The following PABPC4L variants were observed in gnomAD, a reference collection of about 807,000 sequenced individuals.
PABPC4L encodes polyadenylate-binding protein 4-like.
For missense variants in PABPC4L, 452 were observed against 451.4 expected (o/e 1.00, Z -0.01); for synonymous variants, 169 against 164.1 (o/e 1.03, Z -0.23).
the PABPC4L span, among the ~76,000 whole-genome samples, chr4:134,184,856 G>C: frequency 0.022 from 3,408 of 151,986 alleles, 129 homozygotes; most frequent in African/African-American, 0.077. Flanking sequence ...GGAATTTGAT[G>C]TTCTCAGTGT....
chr4:133,979,220 A>T, the PABPC4L span, among the ~76,000 whole-genome samples: 1 of 152,270 alleles, frequency 6.6e-6, no homozygotes, highest in South Asian at 2.1e-4. Flanking sequence ...ACAGAACAAA[A>T]ATTTCTAAGT....
At chr4:134,131,222 G>C in the PABPC4L span, among the ~76,000 whole-genome samples, 4 of 151,864 alleles carry the variant, frequency 2.6e-5, no homozygotes, top group African/African-American at 7.3e-5. Context: ...AAAAGTAAAG[G>C]GCATCCAAAT....
the PABPC4L span, among the ~76,000 whole-genome samples, chr4:133,981,490 A>G: frequency 1.3e-5 from 2 of 152,132 alleles, no homozygotes; most frequent in African/African-American, 4.8e-5. Context: ...AATGTTATTC[A>G]CCATCAGATA....
the PABPC4L span, among the ~76,000 whole-genome samples, chr4:134,036,477 A>C: frequency 5.3e-5 from 8 of 152,226 alleles, no homozygotes; most frequent in South Asian, 1.5e-3. Flanking sequence ...ATCATAGTAG[A>C]CTAATTACTG....
chr4:133,981,389 T>A, the PABPC4L span, among the ~76,000 whole-genome samples: 1 of 152,144 alleles, frequency 6.6e-6, no homozygotes, highest in Non-Finnish European at 1.5e-5. Flanking sequence ...CTGAAAAATG[T>A]CGGATTTCTG....
chr4:133,953,860 C>A, the PABPC4L span, among the ~76,000 whole-genome samples: 1 of 152,166 alleles, frequency 6.6e-6, no homozygotes, highest in Non-Finnish European at 1.5e-5. Flanking sequence ...TATTTCAGCC[C>A]AACTATAAAG....
chr4:134,146,837 A>C, the PABPC4L span, among the ~76,000 whole-genome samples: 1 of 152,026 alleles, frequency 6.6e-6, no homozygotes, highest in Non-Finnish European at 1.5e-5. Flanking sequence ...CAATCTAGAG[A>C]GAGTGAGTAA....
chr4:134,180,837 T>C, the PABPC4L span, among the ~76,000 whole-genome samples: 1 of 151,894 alleles, frequency 6.6e-6, no homozygotes, highest in Non-Finnish European at 1.5e-5. Flanking sequence ...CGGTAAGATA[T>C]TGAATCCTTG....
chr4:134,112,173 A>C, the PABPC4L span, among the ~76,000 whole-genome samples: 1 of 151,970 alleles, frequency 6.6e-6, no homozygotes, highest in African/African-American at 2.4e-5. Context: ...AGAAAACTAC[A>C]AAGTAACCAA....
Position 134,200,143 on chromosome 4 carries a change from C to A in PABPC4L, c.877G>T (p.Val293Leu), listed in dbSNP as rs888937478. ...KRERIRGCQG[V>L]KLYIKNLDDT... is the part of the protein sequence containing the mutation. ...TCAAGGTTCTTAATATAGAGTTTTA[C>A]CCCCTGGCACCCACGAATTCGTTCC... The change falls in exon 2 of 2, where the codon GTA (valine) becomes TTA (leucine). Residue 293 changes from valine to leucine, a missense_variant. Coordinates refer to ENST00000421491, the MANE Select transcript of PABPC4L (RefSeq NM_001114734.2). 6.4e-7 allele frequency: 1 copy of A among 1,551,602 alleles called. No individual in the cohort carries two copies. The highest frequency in any genetic ancestry group is 8.7e-7 in the Non-Finnish European group (1 of 1,146,944).
chr4:133,981,199 A>G, the PABPC4L span, among the ~76,000 whole-genome samples: 1 of 151,964 alleles, frequency 6.6e-6, no homozygotes, highest in South Asian at 2.1e-4. Context: ...TTCAAGATCC[A>G]CTATGTTGAG....
At chr4:134,089,715 A>G in the PABPC4L span, among the ~76,000 whole-genome samples, 4 of 152,102 alleles carry the variant, frequency 2.6e-5, no homozygotes, top group Admixed American at 2.6e-4. Flanking sequence ...AGTATTCCTC[A>G]GATGCAAAAT....
chr4:134,154,249 A>G, the PABPC4L span, among the ~76,000 whole-genome samples: 4 of 152,118 alleles, frequency 2.6e-5, no homozygotes, highest in Admixed American at 2.6e-4. Context: ...TGAGCTCAGG[A>G]GTTTGAGATC....
the PABPC4L span, among the ~76,000 whole-genome samples, chr4:133,991,281 T>A: frequency 6.6e-6 from 1 of 152,128 alleles, no homozygotes; most frequent in East Asian, 1.9e-4. Context: ...GATTCTAGAA[T>A]TTTAGTCTTA....
the PABPC4L span, among the ~76,000 whole-genome samples, chr4:134,172,673 A>T: frequency 6.6e-6 from 1 of 152,096 alleles, no homozygotes; most frequent in Admixed American, 6.6e-5. Flanking sequence ...GGACCTAATT[A>T]AGCTAAAAAG....
chr4:133,953,718 T>A, the PABPC4L span, among the ~76,000 whole-genome samples: 10 of 152,310 alleles, frequency 6.6e-5, no homozygotes, highest in African/African-American at 2.2e-4. Flanking sequence ...ATTTGGGATA[T>A]ACAGTTGGGA....
chr4:134,158,499 A>C, the PABPC4L span, among the ~76,000 whole-genome samples: 1 of 152,146 alleles, frequency 6.6e-6, no homozygotes, highest in East Asian at 1.9e-4. Context: ...CAGACATAAA[A>C]TCTTTTTGTT....
the PABPC4L span, among the ~76,000 whole-genome samples, chr4:134,100,166 A>G: frequency 6.6e-6 from 1 of 151,768 alleles, no homozygotes; most frequent in Non-Finnish European, 1.5e-5. Context: ...ACATTTTAAT[A>G]ATGTGGCTTG....
chr4:133,977,981 T>C, the PABPC4L span: 1 of 152,134 alleles, frequency 6.6e-6, no homozygotes, highest in Non-Finnish European at 1.5e-5. Context: ...TGCTCAAGGG[T>C]AGTGTTAACT....
Sources: allele counts gnomAD v4.1 joint callset (sites outside exome capture counted in the v4.1 genomes callset), GRCh38; gene constraint gnomAD v4.1.1; transcripts MANE v1.5; gene names NCBI Gene and HGNC (gene_info 2026-07-23, HGNC 2026-07-21).